AP2B1: variants seen among roughly 807,000 people sequenced by gnomAD.
The protein encoded by AP2B1 is adaptor related protein complex 2 subunit beta 1.
AP2B1 carries 23 observed loss-of-function variants against 102.0 expected under a neutral mutation model. That is an observed-to-expected ratio of 0.23 (90% CI 0.16 to 0.32). The LOEUF (loss-of-function observed/expected upper bound fraction) is 0.32. Among genes scored for constraint, AP2B1 ranks in the 10% least tolerant of loss-of-function variants. The probability of loss-of-function intolerance (pLI) is 1.00; values close to 1 mark genes in which losing one functional copy is unlikely to be tolerated. For missense variants in AP2B1, 541 were observed against 1,157.4 expected (o/e 0.47, Z 7.73); for synonymous variants, 381 against 421.2 (o/e 0.90, Z 1.17).
At chr17:35,705,946 A>G (rs967705053) in intron 18 of AP2B1, among the ~76,000 whole-genome samples, 1 of 152,176 alleles carries the variant, frequency 6.6e-6, no homozygotes, top group Admixed American at 6.5e-5. Flanking sequence ...AACCCCATGA[A>G]TTTAGTACTT....
chr17:35,665,278 C>G (rs2075442553), intron 14 of AP2B1, among the ~76,000 whole-genome samples: 1 of 149,716 alleles, frequency 6.7e-6, no homozygotes, highest in Non-Finnish European at 1.5e-5. Context: ...CAGGCGCCCA[C>G]CACTACACCC....
intron 5 of AP2B1, among the ~76,000 whole-genome samples, chr17:35,612,520 A>G (rs1180269321): frequency 1.3e-5 from 2 of 152,240 alleles, no homozygotes; most frequent in Non-Finnish European, 2.9e-5. Flanking sequence ...GAGTATTACA[A>G]CTGTCATTAG....
chr17:35,618,413 C>T (rs3785759), intron 5 of AP2B1, among the ~76,000 whole-genome samples: 8,376 of 152,208 alleles, frequency 0.055, 373 homozygotes, highest in East Asian at 0.14. Context: ...TTCAGGGATA[C>T]CAGCCAAAAT....
chr17:35,643,089 C>T (rs115580879), intron 12 of AP2B1, among the ~76,000 whole-genome samples: 2,212 of 150,156 alleles, frequency 0.015, 54 homozygotes, highest in African/African-American at 0.051. Flanking sequence ...CAGGAGTGTC[C>T]AGTCTTTTGG....
rs587667051 is a variant in AP2B1, at chr17:35,703,979, T to C, written c.2455-5245T>C. ...AGCTTTTGGAAAATAGTTTAGAACT[T>C]GTCTGGATTATATCTTCCTACTATC... On this transcript the variant is annotated intron_variant, in intron 18 of 21. Coordinates refer to ENST00000610402, the MANE Select transcript of AP2B1 (RefSeq NM_001030006.2). 3.3e-5 allele frequency among the ~76,000 whole-genome samples: 5 copies of C among 152,290 alleles called. No individual in the cohort carries two copies. In the East Asian group the frequency reaches 9.6e-4, roughly 29 times the overall value.
At chr17:35,593,685 A>G (rs754438041) in intron 1 of AP2B1, among the ~76,000 whole-genome samples, 1 of 152,214 alleles carries the variant, frequency 6.6e-6, no homozygotes, top group Non-Finnish European at 1.5e-5. Flanking sequence ...ATGGAAAGTA[A>G]TTGCAGATAT....
intron 5 of AP2B1, among the ~76,000 whole-genome samples, chr17:35,623,008 A>ATC (rs1477570794): frequency 6.6e-6 from 1 of 152,088 alleles, no homozygotes; most frequent in Non-Finnish European, 1.5e-5. Context: ...CACTTTGCTA[A>ATC]TCTTTCATCA....
intron 13 of AP2B1, 123 bp downstream of exon 13, chr17:35,650,912 A>T: frequency 8.7e-7 from 1 of 1,150,072 alleles, no homozygotes; most frequent in Non-Finnish European, 1.2e-6. Context: ...ATGCTTTTAT[A>T]GTCTGGAAAA....
At chr17:35,648,442 A>C (rs1301138171) in intron 12 of AP2B1, among the ~76,000 whole-genome samples, 4 of 152,046 alleles carry the variant, frequency 2.6e-5, no homozygotes, top group Non-Finnish European at 5.9e-5. Flanking sequence ...CTTGAACCCG[A>C]GAGGCAGAGG....
intron 1 of AP2B1, among the ~76,000 whole-genome samples, chr17:35,592,005 TAATTAGC>T (rs2073115871): frequency 6.6e-6 from 1 of 152,222 alleles, no homozygotes. Flanking sequence ...CTATAAATAG[TAATTAGC>T]TGGTTGGAAA....
intron 5 of AP2B1, among the ~76,000 whole-genome samples, chr17:35,610,228 T>C (rs987935157): frequency 6.6e-6 from 1 of 152,054 alleles, no homozygotes; most frequent in African/African-American, 2.4e-5. Flanking sequence ...CACTGGAACC[T>C]CTACCTTCTG....
chr17:35,722,724 CAAG>C (rs2085438249), intron 21 of AP2B1, among the ~76,000 whole-genome samples: 1 of 152,092 alleles, frequency 6.6e-6, no homozygotes, highest in African/African-American at 2.4e-5. Context: ...CCCTAATTAA[CAAG>C]AGGAATGATG....
At chr17:35,621,045 T>C (rs575473749) in intron 5 of AP2B1, among the ~76,000 whole-genome samples, 1 of 152,252 alleles carries the variant, frequency 6.6e-6, no homozygotes, top group East Asian at 1.9e-4. Flanking sequence ...ATTGTAAGGG[T>C]TGGATTTGTT....
chr17:35,669,083 G>A (rs6505485), intron 14 of AP2B1, among the ~76,000 whole-genome samples: 132,068 of 151,742 alleles, frequency 0.87, 57,877 homozygotes, highest in African/African-American at 0.97. Flanking sequence ...CAGATGTGTA[G>A]TATCTTTTCT....
At chr17:35,593,886 C>G in intron 1 of AP2B1, 122 bp from the exon 2 acceptor site, 1 of 523,084 alleles carries the variant, frequency 1.9e-6, no homozygotes, top group Non-Finnish European at 3.4e-6. Flanking sequence ...GAAGATGATA[C>G]TCATTTTTAG....
chr17:35,684,234 G>A (rs1424416470), intron 18 of AP2B1, among the ~76,000 whole-genome samples: 1 of 152,156 alleles, frequency 6.6e-6, no homozygotes, highest in African/African-American at 2.4e-5. Context: ...AAAAGACATT[G>A]CAAAGAGGAG....
At chr17:35,672,391 C>T (rs2075607677) in intron 16 of AP2B1, among the ~76,000 whole-genome samples, 1 of 152,152 alleles carries the variant, frequency 6.6e-6, no homozygotes, top group Non-Finnish European at 1.5e-5. Flanking sequence ...TTGTCTTAAC[C>T]TTACTTGATG....
intron 14 of AP2B1, among the ~76,000 whole-genome samples, chr17:35,665,561 A>G (rs372675944): frequency 1.7e-4 from 26 of 152,212 alleles, no homozygotes; most frequent in African/African-American, 6.3e-4. Flanking sequence ...TTTGATACCA[A>G]TAGGATTTTG....
intron 14 of AP2B1, among the ~76,000 whole-genome samples, chr17:35,665,797 G>C (rs2075452138): frequency 6.6e-6 from 1 of 152,162 alleles, no homozygotes; most frequent in Admixed American, 6.5e-5. Flanking sequence ...GCAGTTAAGA[G>C]AATGTCTTCA....
Sources: gnomAD v4.1 joint callset for allele counts (sites outside exome capture counted in the v4.1 genomes callset) on GRCh38, gnomAD v4.1.1 for gene constraint, MANE v1.5 for transcripts, NCBI Gene and HGNC (gene_info 2026-07-23, HGNC 2026-07-21) for gene names.